Variants in CAMK1D observed in about 807,000 individuals in gnomAD.
CAMK1D encodes calcium/calmodulin-dependent protein kinase type 1D.
Under a neutral mutation model 47.7 loss-of-function variants are expected in CAMK1D, and 9 were observed. The observed-to-expected ratio is 0.19, with a 90% CI of 0.11 to 0.33. The LOEUF (loss-of-function observed/expected upper bound fraction) is 0.33. CAMK1D is among the 10% of genes least tolerant of loss of function. The pLI is 1.00. For missense variants in CAMK1D, 291 were observed against 488.7 expected (o/e 0.60, Z 3.81); for synonymous variants, 184 against 184.9 (o/e 0.99, Z 0.04).
chr10:12,720,922 C>G (rs966713353), intron 3 of CAMK1D, among the ~76,000 whole-genome samples: 1 of 152,242 alleles, frequency 6.6e-6, no homozygotes, highest in Non-Finnish European at 1.5e-5. Flanking sequence ...CAAAAGTGAA[C>G]GACAGGGCAC....
At chr10:12,692,983 T>A (rs1175976385) in intron 3 of CAMK1D, among the ~76,000 whole-genome samples, 4 of 152,166 alleles carry the variant, frequency 2.6e-5, no homozygotes, top group African/African-American at 7.2e-5. Flanking sequence ...GATGCTGCTG[T>A]GATTAACATT....
chr10:12,824,416 C>T (rs1272024367), intron 8 of CAMK1D, 49 bp from the exon 9 acceptor site: 2 of 1,521,020 alleles, frequency 1.3e-6, no homozygotes, highest in South Asian at 1.1e-5. Context: ...GACGCAGTGT[C>T]AGGGCCCAGA....
chr10:12,542,478 G>C (rs971772288), intron 1 of CAMK1D, among the ~76,000 whole-genome samples: 1 of 152,150 alleles, frequency 6.6e-6, no homozygotes, highest in Admixed American at 6.5e-5. Flanking sequence ...ATTATTTCTT[G>C]GTCTAATTTG....
At chr10:12,439,925 G>A (rs188213834) in intron 1 of CAMK1D, among the ~76,000 whole-genome samples, 158 of 152,298 alleles carry the variant, frequency 1.0e-3, no homozygotes, top group Admixed American at 2.2e-3. Flanking sequence ...ATGAGAACCA[G>A]GTGAAAACAG....
intron 2 of CAMK1D, among the ~76,000 whole-genome samples, chr10:12,593,676 A>T (rs966262582): frequency 5.3e-5 from 8 of 151,972 alleles, no homozygotes; most frequent in Non-Finnish European, 2.9e-5. Flanking sequence ...CCCAAAAGCT[A>T]TTGGAATTTT....
chr10:12,607,411 G>C (rs931313555), intron 2 of CAMK1D, among the ~76,000 whole-genome samples: 2 of 152,168 alleles, frequency 1.3e-5, no homozygotes, highest in Admixed American at 1.3e-4. Context: ...AGGTGTTGTG[G>C]GTTCTAGGGA....
At chr10:12,649,603 C>T (rs1321348659) in intron 2 of CAMK1D, among the ~76,000 whole-genome samples, 1 of 152,180 alleles carries the variant, frequency 6.6e-6, no homozygotes, top group African/African-American at 2.4e-5. Context: ...AAAGAAACCC[C>T]AGATAATGAC....
At chr10:12,465,248 T>C (rs1276128898) in intron 1 of CAMK1D, among the ~76,000 whole-genome samples, 2 of 152,224 alleles carry the variant, frequency 1.3e-5, no homozygotes, top group African/African-American at 2.4e-5. Flanking sequence ...TAATCCCCAA[T>C]TACCCCTGAA....
intron 2 of CAMK1D, 128 bp from the exon 3 acceptor site, chr10:12,666,608 A>G: frequency 1.4e-6 from 1 of 708,626 alleles, no homozygotes; most frequent in Non-Finnish European, 2.4e-6. Context: ...CAACATTGTG[A>G]AGTCTGAAAT....
intron 1 of CAMK1D, among the ~76,000 whole-genome samples, chr10:12,517,036 G>T (rs1388896767): frequency 6.6e-6 from 1 of 152,068 alleles, no homozygotes; most frequent in South Asian, 2.1e-4. Context: ...CATTTATTTT[G>T]GTTTTCTTTG....
intron 3 of CAMK1D, among the ~76,000 whole-genome samples, chr10:12,759,987 T>G (rs1836424231): frequency 6.6e-6 from 1 of 152,238 alleles, no homozygotes; most frequent in Non-Finnish European, 1.5e-5. Flanking sequence ...TCTCATCTTG[T>G]TTTTGAAAAA....
chr10:12,773,577 A>G (rs905002673), intron 5 of CAMK1D, among the ~76,000 whole-genome samples: 6 of 152,156 alleles, frequency 3.9e-5, no homozygotes, highest in Non-Finnish European at 7.3e-5. Context: ...ACAAGGGCCA[A>G]GTGTACAATG....
intron 5 of CAMK1D, among the ~76,000 whole-genome samples, chr10:12,779,197 G>T (rs1405456598): frequency 1.3e-5 from 2 of 152,090 alleles, no homozygotes; most frequent in African/African-American, 2.4e-5. Context: ...ACCAAGATTG[G>T]GAATCCATTT....
rs149962380 is a variant in CAMK1D at position 12,731,666 on chromosome 10, G to A, written c.300-29282G>A. On this transcript the variant is annotated intron_variant, in intron 3 of 10. Coordinates refer to ENST00000619168, the MANE Select transcript of CAMK1D (RefSeq NM_153498.4). ...GCAGTGATCAGCTGTGGAATCTAAG[G>A]GAGCAAGAGGGAGCAAGAGAGAGCA... is the stretch of plus-strand genomic sequence containing the variant. 2.5e-3 allele frequency among the ~76,000 whole-genome samples: 379 copies of A among 152,302 alleles called. 1 individual carries two copies. The highest frequency in any genetic ancestry group is 4.8e-3 in the Non-Finnish European group (325 of 68,018).
intron 2 of CAMK1D, among the ~76,000 whole-genome samples, chr10:12,631,396 G>T (rs1486653395): frequency 6.6e-6 from 1 of 152,156 alleles, no homozygotes; most frequent in Non-Finnish European, 1.5e-5. Context: ...TTCCTTATTT[G>T]GAGATGCTCC....
intron 2 of CAMK1D, among the ~76,000 whole-genome samples, chr10:12,662,725 C>G (rs1304926288): frequency 2.6e-5 from 4 of 151,828 alleles, no homozygotes; most frequent in Non-Finnish European, 4.4e-5. Context: ...TGGCCCTAAA[C>G]TGGATATTCA....
At chr10:12,514,588 G>A (rs769445570) in intron 1 of CAMK1D, among the ~76,000 whole-genome samples, 5 of 152,222 alleles carry the variant, frequency 3.3e-5, no homozygotes, top group East Asian at 1.9e-4. Flanking sequence ...ATTTCAGCTC[G>A]TAGTTTGGCC....
intron 1 of CAMK1D, among the ~76,000 whole-genome samples, chr10:12,388,920 A>T (rs576907526): frequency 6.6e-6 from 1 of 152,282 alleles, no homozygotes; most frequent in South Asian, 2.1e-4. Flanking sequence ...AAAACACTTG[A>T]TGAGCCTGCG....
At chr10:12,761,765 A>G (rs1836518893) in intron 4 of CAMK1D, among the ~76,000 whole-genome samples, 1 of 152,322 alleles carries the variant, frequency 6.6e-6, no homozygotes, top group Non-Finnish European at 1.5e-5. Context: ...GCGTGCCTGT[A>G]GTCCCAGCTA....
Sources: gnomAD v4.1 joint callset for allele counts (sites outside exome capture counted in the v4.1 genomes callset) on GRCh38, gnomAD v4.1.1 for gene constraint, MANE v1.5 for transcripts, NCBI Gene and HGNC (gene_info 2026-07-23, HGNC 2026-07-21) for gene names.